GSE1: variants seen among roughly 807,000 people sequenced by gnomAD.
GSE1 encodes the protein Gse1 coiled-coil protein.
GSE1 carries 32 observed loss-of-function variants against 112.6 expected under a neutral mutation model. That is an observed-to-expected ratio of 0.28 (90% CI 0.21 to 0.38). The LOEUF is 0.38. GSE1 is among the 10% of genes least tolerant of loss of function. GSE1 has a pLI of 1.00. For synonymous variants in GSE1, 1,115 were observed against 735.6 expected (o/e 1.52, Z -8.35); for missense variants, 2,348 against 1,699.2 (o/e 1.38, Z -6.71).
At chr16:85,209,011 G>A (rs1178428860) in intron 1 of GSE1, among the ~76,000 whole-genome samples, 25 of 151,002 alleles carry the variant, frequency 1.7e-4, no homozygotes, top group East Asian at 3.9e-4. Flanking sequence ...GTTGGGGTTC[G>A]CTGCGTGTTG....
intron 2 of GSE1, among the ~76,000 whole-genome samples, chr16:85,418,647 G>T (rs149967536): frequency 1.1e-3 from 174 of 152,266 alleles, no homozygotes; most frequent in African/African-American, 4.1e-3. Flanking sequence ...ACCATCAAGA[G>T]GACACAGTCT....
intron 2 of GSE1, among the ~76,000 whole-genome samples, chr16:85,431,636 G>T (rs975392385): frequency 1.3e-5 from 2 of 152,112 alleles, no homozygotes; most frequent in Non-Finnish European, 2.9e-5. Flanking sequence ...CTTGGCCATG[G>T]CACCTGCCTC....
chr16:85,567,066 C>A (rs1018127283), intron 1 of GSE1, among the ~76,000 whole-genome samples: 1 of 150,988 alleles, frequency 6.6e-6, no homozygotes, highest in Non-Finnish European at 1.5e-5. Flanking sequence ...CCACCCCCAC[C>A]CCCCTCCGCC....
Position 85,497,307 on chromosome 16 carries a change from T to C in GSE1, c.2465-136607T>C, listed in dbSNP as rs146403962. On this transcript the variant is annotated intron_variant, in intron 2 of 2. Transcript: ENST00000637419. ...CCTTCTCTGCCTCCTGCGTTTTACA[T>C]TGGGACTCTCGTGGCAGCAGGGATT... is the stretch of plus-strand genomic sequence containing the variant. Among the ~76,000 whole-genome samples the C allele has an allele frequency of 5.0e-3, 754 of 152,312 alleles. 5 individuals are homozygous for C. The highest frequency in any genetic ancestry group is 0.023 in the East Asian group (118 of 5,166).
At chr16:85,360,885 A>T (rs966375836) in intron 2 of GSE1, among the ~76,000 whole-genome samples, 2 of 151,936 alleles carry the variant, frequency 1.3e-5, no homozygotes, top group Admixed American at 1.3e-4. Flanking sequence ...ATTTTTCCCA[A>T]GCACACGATA....
chr16:85,242,243 C>T (rs556772580), intron 1 of GSE1, among the ~76,000 whole-genome samples: 3 of 152,202 alleles, frequency 2.0e-5, no homozygotes, highest in Admixed American at 1.3e-4. Flanking sequence ...GTATCCTCTG[C>T]TCACCCCAGC....
Position 85,673,756 on chromosome 16 carries a change from C to T in GSE1, c.*1217C>T, listed in dbSNP as rs1392607286. ...TGCTATCAAGGGAGGAGGGGGTAGT[C>T]TGTAGAACCCATGTGTGACAGTCAT... is the stretch of plus-strand genomic sequence containing the variant. On this transcript the variant is annotated 3_prime_UTR_variant, in exon 16 of 16. Coordinates refer to ENST00000253458, the MANE Select transcript of GSE1 (RefSeq NM_014615.5). 6.6e-6 allele frequency: 1 copy of T among 152,138 alleles called. No individual in the cohort carries two copies. Among genetic ancestry groups the T allele is most frequent in the East Asian group, 1.9e-4 (1 of 5,190 alleles). The allele number at this position is 152,138 out of a possible 1,614,324, so 9.4% of individuals were successfully genotyped here.
At chr16:85,293,759 C>T (rs569718983) in intron 1 of GSE1, among the ~76,000 whole-genome samples, 1 of 152,270 alleles carries the variant, frequency 6.6e-6, no homozygotes, top group Non-Finnish European at 1.5e-5. Context: ...TCTCTCCGAT[C>T]ACTGAACTTC....
intron 2 of GSE1, among the ~76,000 whole-genome samples, chr16:85,643,355 TGTG>T (rs1013859856): frequency 3.9e-5 from 6 of 152,172 alleles, no homozygotes; most frequent in African/African-American, 1.4e-4. Flanking sequence ...GGCCTGGCGT[TGTG>T]GGGGCATCGA....
At chr16:85,578,723 A>G (rs35410727) in intron 1 of GSE1, among the ~76,000 whole-genome samples, 71,309 of 151,930 alleles carry the variant, frequency 0.47, 19,948 homozygotes, top group African/African-American at 0.78. Context: ...CTCTGCCTCC[A>G]CTACCCCTCA....
Position 85,673,253 on chromosome 16 carries a change from C to G in GSE1, c.*714C>G, listed in dbSNP as rs769318394. The G allele has an allele frequency of 6.6e-6, 1 of 152,436 alleles. No individual in the cohort carries two copies. Among genetic ancestry groups the G allele is most frequent in the South Asian group, 2.1e-4 (1 of 4,820 alleles). 9.4% of individuals were successfully genotyped at this position (152,436 alleles called of 1,614,324 possible). A position where few individuals can be genotyped will look rare whatever the true frequency, so the allele number is the denominator to read the frequency against. ...CAGCTTCACACCCACCAGATTGTTA[C>G]TACAGTGGGTTGGGTTTTCATACAG... On this transcript the variant is annotated 3_prime_UTR_variant, in exon 16 of 16. Transcript: ENST00000253458.
At chr16:85,222,395 G>C (rs950166212) in intron 1 of GSE1, among the ~76,000 whole-genome samples, 1 of 152,226 alleles carries the variant, frequency 6.6e-6, no homozygotes, top group African/African-American at 2.4e-5. Flanking sequence ...TATGCCCCCT[G>C]CTTGCGTGAA....
At chr16:85,267,884 C>G (rs933057549) in intron 1 of GSE1, among the ~76,000 whole-genome samples, 9 of 152,206 alleles carry the variant, frequency 5.9e-5, no homozygotes, top group African/African-American at 1.9e-4. Context: ...AGCTCTGCCA[C>G]AGACTAACCG....
At chr16:85,292,981 CAT>C (rs2045266292) in intron 1 of GSE1, among the ~76,000 whole-genome samples, 1 of 152,168 alleles carries the variant, frequency 6.6e-6, no homozygotes, top group South Asian at 2.1e-4. Context: ...ATACAAGCCA[CAT>C]GTTTTAAGTG....
chr16:85,236,480 C>G (rs958520708), intron 1 of GSE1, among the ~76,000 whole-genome samples: 10 of 152,194 alleles, frequency 6.6e-5, no homozygotes, highest in African/African-American at 2.4e-4. Context: ...GCAAGCACAT[C>G]ATGTGTGACT....
intron 2 of GSE1, among the ~76,000 whole-genome samples, chr16:85,423,829 T>C (rs936264614): frequency 3.3e-5 from 5 of 152,256 alleles, no homozygotes; most frequent in Admixed American, 2.6e-4. Flanking sequence ...GGTCCTGGCC[T>C]CTGCCGCTCA....
At chr16:85,643,645 C>G (rs530013004) in intron 2 of GSE1, among the ~76,000 whole-genome samples, 12 of 152,296 alleles carry the variant, frequency 7.9e-5, no homozygotes, top group African/African-American at 2.9e-4. Flanking sequence ...CCAGGCAGCT[C>G]CAGGTCTCTG....
chr16:85,636,098 A>G (rs2049973526), intron 2 of GSE1, among the ~76,000 whole-genome samples: 1 of 152,216 alleles, frequency 6.6e-6, no homozygotes, highest in Non-Finnish European at 1.5e-5. Context: ...GAGGCCAGAC[A>G]CCATGGCCTC....
intron 2 of GSE1, among the ~76,000 whole-genome samples, chr16:85,533,047 C>G (rs978795047): frequency 6.6e-6 from 1 of 152,092 alleles, no homozygotes; most frequent in East Asian, 1.9e-4. Context: ...GATCTGGTCT[C>G]CAAGGTGAGG....
Sources: gnomAD v4.1 joint callset for allele counts (sites outside exome capture counted in the v4.1 genomes callset) on GRCh38, gnomAD v4.1.1 for gene constraint, MANE v1.5 for transcripts, NCBI Gene and HGNC (gene_info 2026-07-23, HGNC 2026-07-21) for gene names.